The following SYT1 variants were observed in gnomAD, a reference collection of about 807,000 sequenced individuals.
SYT1 encodes the protein synaptotagmin-1.
A neutral mutation model predicts 44.8 loss-of-function variants in SYT1; 8 were observed. The ratio of observed to expected loss-of-function variants is 0.18; its 90% CI spans 0.10 to 0.32. The LOEUF (loss-of-function observed/expected upper bound fraction) is 0.32, where lower values mean the gene tolerates loss of function less well. Ranked by LOEUF, SYT1 falls within the 10% of genes least tolerant of loss-of-function variation. The pLI, the probability that SYT1 is intolerant of heterozygous loss-of-function variation, is 1.00. For missense variants in SYT1, 286 were observed against 509.3 expected, an observed-to-expected ratio of 0.56 and a Z score of 4.22; for synonymous variants, 154 against 188.8, an observed-to-expected ratio of 0.82 and a Z score of 1.51.
chr12:79,448,932 G>A lies in SYT1; in HGVS notation c.1077G>A (p.Val359=), dbSNP rs1565962716. 1 of 1,614,130 alleles carries A rather than the reference G, an allele frequency of 6.2e-7. No individual in the cohort carries two copies. The highest frequency in any genetic ancestry group is 1.7e-5 in the Admixed American group (1 of 60,024). ...GCTTCTTTCAGAAAGTGCAGGTGGT[G>A]GTAACTGTTTTGGACTATGACAAGA... ...PFEQIQKVQV[V]VTVLDYDKIG... is the part of the protein sequence containing the mutation. The change falls in exon 11 of 11, where the codon GTG becomes GTA. Residue 359 remains valine (V), a synonymous_variant. Coordinates refer to ENST00000261205, the MANE Select transcript of SYT1 (RefSeq NM_005639.3).
At chr12:79,302,057 A>G (rs1263978420) in intron 8 of SYT1, among the ~76,000 whole-genome samples, 2 of 152,206 alleles carry the variant, frequency 1.3e-5, no homozygotes, top group African/African-American at 4.8e-5. Context: ...GCCACTGTCC[A>G]TTAATTGTAG....
intron 3 of SYT1, among the ~76,000 whole-genome samples, chr12:79,076,026 A>ACATGT (rs1876624470): frequency 6.6e-6 from 1 of 152,176 alleles, no homozygotes; most frequent in African/African-American, 2.4e-5. Context: ...AAATTTTATG[A>ACATGT]CATGTCATAA....
At chr12:79,340,468 G>C (rs1882316313) in intron 8 of SYT1, among the ~76,000 whole-genome samples, 1 of 152,106 alleles carries the variant, frequency 6.6e-6, no homozygotes, top group Non-Finnish European at 1.5e-5. Context: ...TTGGCTCTCT[G>C]TTTGTCTGTT....
At chr12:79,036,166 G>T (rs997592416) in intron 2 of SYT1, among the ~76,000 whole-genome samples, 19 of 151,766 alleles carry the variant, frequency 1.3e-4, no homozygotes, top group Non-Finnish European at 1.0e-4. Flanking sequence ...AATATATAGT[G>T]CATGGCCTCC....
chr12:79,396,526 C>A (rs1011348016), intron 9 of SYT1, among the ~76,000 whole-genome samples: 8 of 152,042 alleles, frequency 5.3e-5, no homozygotes, highest in African/African-American at 1.9e-4. Context: ...CCAGATGATA[C>A]TAATCCAGTA....
chr12:79,146,847 C>T (rs1869946024), intron 3 of SYT1, among the ~76,000 whole-genome samples: 2 of 152,032 alleles, frequency 1.3e-5, no homozygotes, highest in South Asian at 4.1e-4. Flanking sequence ...CATATATCTA[C>T]TACTTTTTTT....
intron 8 of SYT1, among the ~76,000 whole-genome samples, chr12:79,353,240 T>G (rs977636113): frequency 2.6e-5 from 4 of 152,216 alleles, no homozygotes; most frequent in African/African-American, 7.2e-5. Flanking sequence ...CCTGCACCAT[T>G]GAATTATAGA....
In SYT1 at chr12:79,179,035, G is replaced by GATATATCT. The variant is rs1555204709; in HGVS notation, c.-17-38463_-17-38462insTCTATATA. 1.2e-4 allele frequency among the ~76,000 whole-genome samples: 2 copies of GATATATCT among 16,536 alleles called. 1 individual carries two copies. Among genetic ancestry groups the GATATATCT allele is most frequent in the African/African-American group, 8.7e-4 (2 of 2,286 alleles). 10.8% of individuals were successfully genotyped at this position (16,536 alleles called of 152,430 possible). On this transcript the variant is annotated intron_variant, in intron 3 of 10. Transcript: ENST00000261205. Reference sequence around the variant, plus strand: ...ATATAGATATAGATATAGATATATAGATATAGATATAGATATATAGATATA... The same window carrying GATATATCT: ...ATATAGATATAGATATAGATATATAGATATATCTATATAGATATAGATATATAGATATA...
intron 3 of SYT1, among the ~76,000 whole-genome samples, chr12:79,204,923 T>C (rs1448892095): frequency 2.5e-5 from 3 of 121,878 alleles, no homozygotes; most frequent in Non-Finnish European, 5.1e-5. Context: ...AAAAATAAAT[T>C]AAAAAGAAAA....
At chr12:79,124,597 C>A (rs553907403) in intron 3 of SYT1, among the ~76,000 whole-genome samples, 1 of 152,150 alleles carries the variant, frequency 6.6e-6, no homozygotes, top group African/African-American at 2.4e-5. Context: ...TCATCATCAT[C>A]ATCACCATTA....
At chr12:79,094,474 A>G (rs1428000604) in intron 3 of SYT1, among the ~76,000 whole-genome samples, 4 of 151,884 alleles carry the variant, frequency 2.6e-5, no homozygotes, top group Non-Finnish European at 4.4e-5. Context: ...AACTTGCACC[A>G]TACATGCACA....
At chr12:79,196,249 C>T (rs967017677) in intron 3 of SYT1, among the ~76,000 whole-genome samples, 4 of 152,014 alleles carry the variant, frequency 2.6e-5, no homozygotes, top group African/African-American at 9.7e-5. Context: ...CTCACTGCAA[C>T]CTCCACCTCC....
chr12:79,048,389 T>C lies in SYT1; in HGVS notation c.-18+1027T>C, dbSNP rs146652943. ...TGATGCATAAATTACATCTTAACTTTGAATGATTGGGTATAATTAATCATC... is the reference window on the plus strand; with the variant it reads ...TGATGCATAAATTACATCTTAACTTCGAATGATTGGGTATAATTAATCATC... On this transcript the variant is annotated intron_variant, in intron 3 of 10. Coordinates refer to ENST00000261205, the MANE Select transcript of SYT1 (RefSeq NM_005639.3). 3.1e-3 allele frequency among the ~76,000 whole-genome samples: 471 copies of C among 151,954 alleles called. 12 individuals carry two copies. In the East Asian group the frequency reaches 0.075, roughly 24 times the overall value.
chr12:79,145,029 A>G (rs1869789372), intron 3 of SYT1, among the ~76,000 whole-genome samples: 1 of 152,198 alleles, frequency 6.6e-6, no homozygotes, highest in African/African-American at 2.4e-5. Flanking sequence ...TCTAAGCTTC[A>G]GTTTACCTGT....
intron 1 of SYT1, among the ~76,000 whole-genome samples, chr12:78,908,639 G>A (rs7977299): frequency 0.78 from 117,794 of 151,770 alleles, 46,475 homozygotes; most frequent in African/African-American, 0.91. Flanking sequence ...CCATGTTCCA[G>A]TGGTTATTTG....
intron 1 of SYT1, among the ~76,000 whole-genome samples, chr12:78,919,387 A>C (rs1367867689): frequency 6.6e-6 from 1 of 152,070 alleles, no homozygotes; most frequent in Non-Finnish European, 1.5e-5. Flanking sequence ...GGAGCTGAAC[A>C]CAAAGCTGGA....
At chr12:79,051,815 T>G (rs1874515442) in intron 3 of SYT1, among the ~76,000 whole-genome samples, 1 of 152,060 alleles carries the variant, frequency 6.6e-6, no homozygotes, top group African/African-American at 2.4e-5. Context: ...TTTTGTCAGG[T>G]TTGTCAAAGA....
chr12:78,955,800 T>TTTTGTGTGTG (rs1555184202), intron 1 of SYT1, among the ~76,000 whole-genome samples: 1 of 138,628 alleles, frequency 7.2e-6, no homozygotes, highest in African/African-American at 2.7e-5. Context: ...GCCAAGATAT[T>TTTTGTGTGTG]TGTGTGTGTG....
At chr12:79,376,724 T>C (rs1884009387) in intron 9 of SYT1, among the ~76,000 whole-genome samples, 1 of 152,198 alleles carries the variant, frequency 6.6e-6, no homozygotes. Context: ...TGCAGTGAGC[T>C]GGAAATGAAG....
Sources: allele counts gnomAD v4.1 joint callset (sites outside exome capture counted in the v4.1 genomes callset), GRCh38; gene constraint gnomAD v4.1.1; transcripts MANE v1.5; gene names NCBI Gene and HGNC (gene_info 2026-07-23, HGNC 2026-07-21).